VPS13D: variants seen among roughly 807,000 people sequenced by gnomAD.
VPS13D encodes vacuolar protein sorting 13 homolog D, also known as intermembrane lipid transfer protein VPS13D.
In VPS13D, 187 loss-of-function variants were observed where a neutral mutation model predicts 461.9. The ratio of observed to expected loss-of-function variants is 0.40; its 90% CI spans 0.36 to 0.46. VPS13D has a LOEUF of 0.46. Among genes scored for constraint, VPS13D ranks in the 20% least tolerant of loss-of-function variants. The pLI is 0.60. For synonymous variants in VPS13D, 1,951 were observed against 1,986.3 expected (o/e 0.98, Z 0.47); for missense variants, 4,711 against 5,364.9 (o/e 0.88, Z 3.81).
At position 12,341,852 on chromosome 1, in the gene VPS13D, T is replaced by C; in HGVS notation, c.8699T>C (p.Leu2900Ser). 6.2e-7 allele frequency: 1 copy of C among 1,614,092 alleles called. No homozygotes were observed. The highest frequency in any genetic ancestry group is 1.1e-5 in the South Asian group (1 of 91,078). ...CTGAGGAACCACACGGGGTGCACTT[T>C]GTGGTTTGCCACCCTGACCACCACA... ...FALRNHTGCT[L>S]WFATLTTTPT... The change falls in exon 41 of 70, where the codon TTG becomes TCG. Residue 2900 changes from leucine (L) to serine (S), a missense_variant. Transcript: ENST00000620676.
chr1:12,484,265 A>T (rs1024525411), intron 67 of VPS13D, among the ~76,000 whole-genome samples: 2 of 152,074 alleles, frequency 1.3e-5, no homozygotes, highest in Admixed American at 6.5e-5. Flanking sequence ...ATAGTGCCGG[A>T]CCACCCCAGC....
chr1:12,503,353 T>TTC (rs943161498), intron 68 of VPS13D, among the ~76,000 whole-genome samples: 8 of 144,928 alleles, frequency 5.5e-5, no homozygotes, highest in African/African-American at 1.5e-4. Context: ...CTTCTTCTTC[T>TTC]TTTTTTTTTT....
chr1:12,443,730 C>T (rs1452857265), intron 65 of VPS13D, among the ~76,000 whole-genome samples: 1 of 151,910 alleles, frequency 6.6e-6, no homozygotes, highest in Admixed American at 6.6e-5. Context: ...ATATTTATCC[C>T]GTCTGCGTCT....
chr1:12,394,419 A>G (rs975809301), intron 60 of VPS13D, among the ~76,000 whole-genome samples: 1 of 152,174 alleles, frequency 6.6e-6, no homozygotes, highest in South Asian at 2.1e-4. Context: ...GCTGTGCATT[A>G]TGGTAGCTAT....
chr1:12,268,553 G>A (rs756052873), intron 15 of VPS13D, among the ~76,000 whole-genome samples, 153 bp from the exon 16 acceptor site: 2 of 152,058 alleles, frequency 1.3e-5, no homozygotes, highest in Non-Finnish European at 2.9e-5. Flanking sequence ...AGTCAATCCT[G>A]ATGAGGCTTT....
chr1:12,351,849 C>A (rs567128530), intron 46 of VPS13D, among the ~76,000 whole-genome samples: 165 of 151,926 alleles, frequency 1.1e-3, no homozygotes, highest in Non-Finnish European at 1.8e-3. Flanking sequence ...ACTTTGGCCT[C>A]CCAAAGTGCT....
At chr1:12,420,017 G>T (rs1419017900) in intron 65 of VPS13D, among the ~76,000 whole-genome samples, 1 of 152,142 alleles carries the variant, frequency 6.6e-6, no homozygotes, top group Non-Finnish European at 1.5e-5. Flanking sequence ...CGTATATGCA[G>T]CCCGTAGTTG....
In VPS13D at chr1:12,277,181, T is replaced by C. The variant is rs775530233; in HGVS notation, c.3593T>C (p.Ile1198Thr). 6.2e-7 allele frequency: 1 copy of C among 1,614,224 alleles called. No individual in the cohort carries two copies. Among genetic ancestry groups the C allele is most frequent in the Non-Finnish European group, 8.5e-7 (1 of 1,180,040 alleles). The change falls in exon 19 of 70, where the codon ATA (isoleucine) becomes ACA (threonine). Residue 1198 changes from isoleucine (I) to threonine (T), a missense_variant. This residue lies in a region of VPS13D where 4,411 missense variants were observed against 4,937.8 expected (regional missense o/e 0.89). Transcript: ENST00000620676. Reference sequence around the variant, plus strand: ...GGCAGAAAAATTGCAACTGCAAGTATAGGTGGCACCAAAGTTAATGTCTCA... The same window carrying C: ...GGCAGAAAAATTGCAACTGCAAGTACAGGTGGCACCAAAGTTAATGTCTCA... ...KYGRKIATAS[I>T]GGTKVNVSMG...
At chr1:12,284,577 C>G (rs550343213) in intron 21 of VPS13D, among the ~76,000 whole-genome samples, 1 of 152,214 alleles carries the variant, frequency 6.6e-6, no homozygotes, top group African/African-American at 2.4e-5. Flanking sequence ...TTCGAGGGCA[C>G]ATAGGCCTGC....
chr1:12,382,066 T>A (rs144435567), intron 57 of VPS13D, among the ~76,000 whole-genome samples: 1 of 149,874 alleles, frequency 6.7e-6, no homozygotes, highest in African/African-American at 2.5e-5. Flanking sequence ...CTTTCTTCTC[T>A]CTCTTTCTTT....
At chr1:12,376,818 G>A (rs949435737) in intron 55 of VPS13D, among the ~76,000 whole-genome samples, 1 of 152,188 alleles carries the variant, frequency 6.6e-6, no homozygotes, top group Non-Finnish European at 1.5e-5. Flanking sequence ...TCTAGCTGGA[G>A]TGTAGGTGTG....
At chr1:12,354,525 C>G (rs1643869490) in intron 47 of VPS13D, among the ~76,000 whole-genome samples, 1 of 151,910 alleles carries the variant, frequency 6.6e-6, no homozygotes, top group Non-Finnish European at 1.5e-5. Flanking sequence ...CAAAGTAAGA[C>G]CCTGTCTCTT....
chr1:12,267,810 T>C (rs950513749), intron 14 of VPS13D, 35 bp from the exon 15 acceptor site: 1 of 1,601,532 alleles, frequency 6.2e-7, no homozygotes, highest in South Asian at 1.1e-5. Context: ...CCTCTCACGC[T>C]GACGTTTACG....
chr1:12,256,407 G>A lies in VPS13D; in HGVS notation c.744G>A (p.Leu248=). The A allele has an allele frequency of 6.2e-7, 1 of 1,614,096 alleles. No individual in the cohort carries two copies. The highest frequency in any genetic ancestry group is 8.5e-7 in the Non-Finnish European group (1 of 1,180,012). ...VLEPVFASAL[L]KRNCSKKPLR... is the part of the protein sequence containing the mutation. The stretch of plus-strand genomic sequence containing the variant: ...AGCCTGTGTTTGCATCTGCTCTTTT[G>A]AAGAGAAACTGCTCCAAGAAGCCCC... The change falls in exon 8 of 70, where the codon TTG becomes TTA. Residue 248 remains leucine, a synonymous_variant. Transcript: ENST00000620676.
chr1:12,331,389 C>T lies in VPS13D; in HGVS notation c.8287+1471C>T, dbSNP rs150406256. Among the ~76,000 whole-genome samples, 322 of 152,186 alleles carry T rather than the reference C, an allele frequency of 2.1e-3. 2 individuals are homozygous for T. The highest frequency in any genetic ancestry group is 7.3e-3 in the African/African-American group (302 of 41,520). The stretch of plus-strand genomic sequence containing the variant: ...GTTAGTTAACATTTTCCCTGTGTAC[C>T]AGACTCACTTAAAGCTAACACCCTT... On this transcript the variant is annotated intron_variant, in intron 37 of 69. Coordinates refer to ENST00000620676, the MANE Select transcript of VPS13D (RefSeq NM_015378.4).
At chr1:12,471,506 C>CT (rs1218956095) in intron 67 of VPS13D, among the ~76,000 whole-genome samples, 1 of 152,174 alleles carries the variant, frequency 6.6e-6, no homozygotes, top group African/African-American at 2.4e-5. Context: ...GAGGCAATCA[C>CT]TTTCAACACT....
At chr1:12,416,040 G>T (rs965299423) in intron 64 of VPS13D, among the ~76,000 whole-genome samples, 1 of 152,158 alleles carries the variant, frequency 6.6e-6, no homozygotes, top group African/African-American at 2.4e-5. Context: ...AAAAAGATTA[G>T]CTGGTTGTAG....
chr1:12,398,842 G>T (rs1201024380), intron 60 of VPS13D, among the ~76,000 whole-genome samples: 1 of 152,206 alleles, frequency 6.6e-6, no homozygotes, highest in Non-Finnish European at 1.5e-5. Flanking sequence ...GGAATTTGGA[G>T]CAAGAGAGAA....
At position 12,374,003 on chromosome 1, in the gene VPS13D, T is replaced by C. The variant is rs1570035345; in HGVS notation, c.10917+145T>C. On this transcript the variant is annotated intron_variant, in intron 55 of 69. Transcript: ENST00000620676. ...AGGCCTCTTGGCATTTCCAGGTCAGTGTTAGGGCGGATGAGTACCAGCTCA... is the reference window on the plus strand; with the variant it reads ...AGGCCTCTTGGCATTTCCAGGTCAGCGTTAGGGCGGATGAGTACCAGCTCA... The C allele has an allele frequency of 1.2e-5, 6 of 513,584 alleles. No homozygotes were observed. The East Asian group carries it at 2.7e-4, about 23-fold the overall frequency. 31.8% of individuals were successfully genotyped at this position (513,584 alleles called of 1,614,324 possible).
Sources: allele counts gnomAD v4.1 joint callset (sites outside exome capture counted in the v4.1 genomes callset), GRCh38; gene constraint gnomAD v4.1.1; regional missense constraint gnomAD v4.1.1; transcripts MANE v1.5; gene names NCBI Gene and HGNC (gene_info 2026-07-23, HGNC 2026-07-21).